The following STX8 variants were observed in gnomAD, a reference collection of about 807,000 sequenced individuals.
STX8 encodes syntaxin-8.
A neutral mutation model predicts 37.5 loss-of-function variants in STX8; 23 were observed. That is an observed-to-expected ratio of 0.61 (90% CI 0.44 to 0.87). STX8 has a LOEUF of 0.87. Among genes scored for constraint, STX8 ranks in the 40% least tolerant of loss-of-function variants. The probability of loss-of-function intolerance (pLI) is 0.00; values close to 1 mark genes in which losing one functional copy is unlikely to be tolerated. For synonymous variants in STX8, 115 were observed against 99.1 expected (o/e 1.16, Z -0.95); for missense variants, 313 against 284.7 (o/e 1.10, Z -0.71).
intron 7 of STX8, among the ~76,000 whole-genome samples, chr17:9,361,862 A>G (rs974906461): frequency 7.2e-5 from 11 of 152,240 alleles, no homozygotes; most frequent in Non-Finnish European, 1.5e-4. Context: ...TCCAAAGAAG[A>G]TAATCCATGT....
chr17:9,570,760 C>T (rs567580719), intron 1 of STX8, among the ~76,000 whole-genome samples: 76 of 152,196 alleles, frequency 5.0e-4, no homozygotes, highest in African/African-American at 1.6e-3. Context: ...GTAAGTTTTG[C>T]CTCCTGCCAA....
rs1455471104 is a variant in STX8 at position 9,507,268 on chromosome 17, C to A, written c.324-2106G>T. Among the ~76,000 whole-genome samples the A allele has an allele frequency of 3.9e-5, 6 of 151,906 alleles. No individual in the cohort carries two copies. Among genetic ancestry groups the A allele is most frequent in the Non-Finnish European group, 8.8e-5 (6 of 67,984 alleles). ...AAACAACCCTGCAGGCTGCCCCTGGCAGACATACCCCCAGGCCAGCCAAGT... is the reference window on the plus strand; with the variant it reads ...AAACAACCCTGCAGGCTGCCCCTGGAAGACATACCCCCAGGCCAGCCAAGT... On this transcript the variant is annotated intron_variant, in intron 4 of 7. Coordinates refer to ENST00000306357, the MANE Select transcript of STX8 (RefSeq NM_004853.3). This position sits in a 1 kb window ranked among gnomAD's most constrained non-coding sequence, Gnocchi z 4.0.
chr17:9,253,282 C>T (rs1009502408), intron 7 of STX8, among the ~76,000 whole-genome samples: 2 of 146,356 alleles, frequency 1.4e-5, no homozygotes, highest in Admixed American at 6.9e-5. Context: ...GGTAGGGATA[C>T]GGGTGTGTGT....
At chr17:9,310,674 A>G (rs56928304) in intron 7 of STX8, among the ~76,000 whole-genome samples, 1 of 151,946 alleles carries the variant, frequency 6.6e-6, no homozygotes, top group African/African-American at 2.4e-5. Flanking sequence ...TGGTCCACGG[A>G]GATCTGTTCT....
chr17:9,315,185 C>T (rs1464191675), intron 7 of STX8, among the ~76,000 whole-genome samples: 2 of 151,538 alleles, frequency 1.3e-5, no homozygotes, highest in Admixed American at 1.3e-4. Flanking sequence ...CAAAAAAAAC[C>T]TGAGTTCCTG....
chr17:9,378,626 A>G lies in STX8; in HGVS notation c.569T>C (p.Val190Ala). The change falls in exon 7 of 8, where the codon GTG (valine) becomes GCG (alanine). Residue 190 changes from valine (V) to alanine (A), a missense_variant. Physicochemically the swap from Val to Ala is moderately conservative, Grantham distance 64 (BLOSUM62 0). Transcript: ENST00000306357. Reference sequence around the variant, plus strand: ...GCGAAGTTTTTCATCTGTGTTCTCCACTAGGTTGGCAAGGTCGTCAATTAT... The same window carrying G: ...GCGAAGTTTTTCATCTGTGTTCTCCGCTAGGTTGGCAAGGTCGTCAATTAT... ...NEIIDDLANL[V>A]ENTDEKLRNE... 6.2e-7 allele frequency: 1 copy of G among 1,613,706 alleles called. No homozygotes were observed. The highest frequency in any genetic ancestry group is 8.5e-7 in the Non-Finnish European group (1 of 1,179,726).
intron 6 of STX8, among the ~76,000 whole-genome samples, chr17:9,410,180 C>G (rs1404725358): frequency 6.6e-6 from 1 of 152,210 alleles, no homozygotes; most frequent in East Asian, 1.9e-4. Context: ...TTCTGAATTT[C>G]TCTTTTATTC....
chr17:9,473,137 A>G (rs2142441454), intron 6 of STX8, among the ~76,000 whole-genome samples: 1 of 151,532 alleles, frequency 6.6e-6, no homozygotes, highest in East Asian at 1.9e-4. Context: ...CTGCCTCAGC[A>G]TCCTGAGTAG....
intron 6 of STX8, among the ~76,000 whole-genome samples, chr17:9,421,090 C>A (rs1277793028): frequency 6.6e-6 from 1 of 152,102 alleles, no homozygotes; most frequent in Non-Finnish European, 1.5e-5. Context: ...CTAACCTTTG[C>A]ATTACTATAG....
intron 5 of STX8, 111 bp downstream of exon 5, chr17:9,504,927 T>C (rs1490237221): frequency 2.7e-5 from 31 of 1,147,650 alleles, no homozygotes; most frequent in Non-Finnish European, 3.5e-5. Context: ...TGAGCCAAGA[T>C]CACGCCACTG....
At chr17:9,371,398 C>T (rs138230757) in intron 7 of STX8, among the ~76,000 whole-genome samples, 4 of 152,228 alleles carry the variant, frequency 2.6e-5, no homozygotes, top group Middle Eastern at 3.4e-3. Flanking sequence ...ATTCCCACCC[C>T]CTATAGTTAA....
intron 6 of STX8, among the ~76,000 whole-genome samples, chr17:9,473,489 G>A (rs1905965744): frequency 6.6e-6 from 1 of 152,056 alleles, no homozygotes; most frequent in Non-Finnish European, 1.5e-5. Flanking sequence ...AAATGGTGTA[G>A]CATTTACATA....
chr17:9,528,801 T>C (rs1905683187), intron 4 of STX8, among the ~76,000 whole-genome samples: 1 of 148,782 alleles, frequency 6.7e-6, no homozygotes, highest in African/African-American at 2.5e-5. Context: ...CCCTCTTCGT[T>C]AAAAAAAAAA....
At chr17:9,417,096 G>A (rs1913227651) in intron 6 of STX8, among the ~76,000 whole-genome samples, 1 of 152,086 alleles carries the variant, frequency 6.6e-6, no homozygotes, top group East Asian at 1.9e-4. Context: ...CCATTACTTA[G>A]GCCCCTGCCC....
intron 2 of STX8, among the ~76,000 whole-genome samples, chr17:9,567,088 G>T (rs1446005744): frequency 2.0e-5 from 3 of 152,186 alleles, no homozygotes. Context: ...TGATATAAGA[G>T]AGAGCTAACT....
rs1313299673 is a variant in STX8, at chr17:9,507,929, T to G, written c.324-2767A>C. 6.6e-6 allele frequency among the ~76,000 whole-genome samples: 1 copy of G among 152,276 alleles called. No homozygotes were observed. The highest frequency in any genetic ancestry group is 1.9e-4 in the East Asian group (1 of 5,188). ...CAAGATCCATTCATACAAATATTTC[T>G]TTCCCTGCAAAACCTACCACATAAA... On this transcript the variant is annotated intron_variant, in intron 4 of 7. Transcript: ENST00000306357. The surrounding 1 kb of genome is among the most constrained non-coding windows in gnomAD (Gnocchi z 4.0).
At chr17:9,348,657 C>T (rs1161893707) in intron 7 of STX8, among the ~76,000 whole-genome samples, 2 of 152,078 alleles carry the variant, frequency 1.3e-5, no homozygotes, top group Non-Finnish European at 2.9e-5. Context: ...AGACACAGTC[C>T]CTGCACTCAG....
At chr17:9,429,315 AT>A (rs918573018) in intron 6 of STX8, among the ~76,000 whole-genome samples, 57 of 146,202 alleles carry the variant, frequency 3.9e-4, no homozygotes, top group Admixed American at 1.2e-3. Context: ...TTATTTATAT[AT>A]TTTTATTATA....
At chr17:9,272,656 C>T (rs529954269) in intron 7 of STX8, among the ~76,000 whole-genome samples, 259 of 152,294 alleles carry the variant, frequency 1.7e-3, no homozygotes, top group Middle Eastern at 3.4e-3. Flanking sequence ...TGGCTTTCTT[C>T]GAACACCGTG....
Sources: gnomAD v4.1 joint callset for allele counts (sites outside exome capture counted in the v4.1 genomes callset) on GRCh38, gnomAD v4.1.1 for gene constraint, Gnocchi (gnomAD v3.1) non-coding constraint, MANE v1.5 for transcripts, NCBI Gene and HGNC (gene_info 2026-07-23, HGNC 2026-07-21) for gene names.